Variants in GALNT7 observed in about 807,000 individuals in gnomAD.
GALNT7 encodes the protein polypeptide N-acetylgalactosaminyltransferase 7, also known as N-acetylgalactosaminyltransferase 7.
A neutral mutation model predicts 82.1 loss-of-function variants in GALNT7; 60 were observed. The observed-to-expected ratio is 0.73, with a 90% CI of 0.59 to 0.91. The LOEUF is 0.91. Ranked by LOEUF, GALNT7 falls within the 40% of genes least tolerant of loss-of-function variation. The pLI, the probability that GALNT7 is intolerant of heterozygous loss-of-function variation, is 0.00. For missense variants in GALNT7, 660 were observed against 804.2 expected, an observed-to-expected ratio of 0.82 and a Z score of 2.17; for synonymous variants, 243 against 275.1, an observed-to-expected ratio of 0.88 and a Z score of 1.15.
chr4:173,317,809 G>A, intron 10 of GALNT7, 77 bp downstream of exon 10: 1 of 892,980 alleles, frequency 1.1e-6, no homozygotes, highest in Non-Finnish European at 1.8e-6. Flanking sequence ...AGTGATCTTT[G>A]TACTTTGGTT....
intron 1 of GALNT7, among the ~76,000 whole-genome samples, chr4:173,180,081 T>A (rs34718403): frequency 0.15 from 23,516 of 152,144 alleles, 1,892 homozygotes; most frequent in Non-Finnish European, 0.18. Flanking sequence ...TGAGTAATGA[T>A]ATTTAGAAAT....
intron 2 of GALNT7, among the ~76,000 whole-genome samples, chr4:173,288,480 C>G (rs1192809978): frequency 6.6e-6 from 1 of 151,824 alleles, no homozygotes; most frequent in Non-Finnish European, 1.5e-5. Context: ...AGAAAAAAAT[C>G]CCATCCCACT....
intron 1 of GALNT7, among the ~76,000 whole-genome samples, chr4:173,191,029 A>C (rs951779247): frequency 6.6e-6 from 1 of 152,006 alleles, no homozygotes; most frequent in Non-Finnish European, 1.5e-5. Flanking sequence ...ATTGAGAGGT[A>C]GGTCTTACAA....
intron 1 of GALNT7, 122 bp downstream of exon 1, chr4:173,169,083 T>A: frequency 1.1e-6 from 1 of 904,352 alleles, no homozygotes; most frequent in Non-Finnish European, 1.6e-6. Context: ...GCTCCGCAGG[T>A]GGTGCTGGCG....
At chr4:173,313,144 A>G (rs1475626101) in intron 8 of GALNT7, among the ~76,000 whole-genome samples, 1 of 152,198 alleles carries the variant, frequency 6.6e-6, no homozygotes, top group Non-Finnish European at 1.5e-5. Flanking sequence ...AAATAGTTCT[A>G]TTATAGTTAT....
chr4:173,190,405 C>G (rs1270826500), intron 1 of GALNT7, among the ~76,000 whole-genome samples: 1 of 152,168 alleles, frequency 6.6e-6, no homozygotes, highest in African/African-American at 2.4e-5. Flanking sequence ...TGGGAGGAAT[C>G]GTAGTCTTTG....
chr4:173,173,952 A>G (rs144733742), intron 1 of GALNT7, among the ~76,000 whole-genome samples: 534 of 152,312 alleles, frequency 3.5e-3, no homozygotes, highest in African/African-American at 0.012. Context: ...TATCTCAGTG[A>G]TGATCAGTTG....
chr4:173,298,833 T>A (rs1045273514), intron 6 of GALNT7, among the ~76,000 whole-genome samples: 1 of 152,226 alleles, frequency 6.6e-6, no homozygotes, highest in African/African-American at 2.4e-5. Context: ...TGAATCACAA[T>A]ACATGACTTT....
At chr4:173,180,477 A>T (rs1198438082) in intron 1 of GALNT7, among the ~76,000 whole-genome samples, 3 of 152,006 alleles carry the variant, frequency 2.0e-5, no homozygotes, top group Non-Finnish European at 4.4e-5. Context: ...ACAGGCGCCC[A>T]CAACCATGCC....
chr4:173,292,244 A>C lies in GALNT7; in HGVS notation c.724A>C (p.Ile242Leu). ...KRTPRKYLAE[I>L]VLIDDFSNKE... is the part of the protein sequence containing the mutation. ...GACTCCAAGGAAATATTTAGCAGAA[A>C]TTGTGTTAATTGACGATTTCAGTAA... The change falls in exon 3 of 12, where the codon ATT becomes CTT. Residue 242 changes from isoleucine to leucine, a missense_variant. Transcript: ENST00000265000. This position sits in a 1 kb window ranked among gnomAD's most constrained non-coding sequence, Gnocchi z 4.8. The C allele has an allele frequency of 6.3e-7, 1 of 1,578,266 alleles. No individual in the cohort carries two copies. The highest frequency in any genetic ancestry group is 8.6e-7 in the Non-Finnish European group (1 of 1,162,048).
intron 1 of GALNT7, among the ~76,000 whole-genome samples, chr4:173,174,781 G>T (rs1731983931): frequency 6.6e-6 from 1 of 152,246 alleles, no homozygotes; most frequent in South Asian, 2.1e-4. Flanking sequence ...TGTTTCATCA[G>T]TAGTCAAACC....
At chr4:173,310,279 C>A (rs569677038) in intron 8 of GALNT7, among the ~76,000 whole-genome samples, 3 of 152,282 alleles carry the variant, frequency 2.0e-5, no homozygotes, top group South Asian at 2.1e-4. Flanking sequence ...TCTATTTGCC[C>A]GTGAATGAAA....
chr4:173,232,790 A>G (rs943176024), intron 1 of GALNT7, among the ~76,000 whole-genome samples: 3 of 152,072 alleles, frequency 2.0e-5, no homozygotes, highest in Non-Finnish European at 2.9e-5. Context: ...TGAAATGTAC[A>G]ATAAATTGTT....
In GALNT7 at chr4:173,321,568, T is replaced by C; in HGVS notation, c.1837-12T>C. 2 of 1,606,086 alleles carry C rather than the reference T, an allele frequency of 1.2e-6. No homozygotes were observed. The highest frequency in any genetic ancestry group is 1.7e-5 in the Admixed American group (1 of 59,166). On this transcript the variant is annotated splice_polypyrimidine_tract_variant and intron_variant, in intron 11 of 11. Transcript: ENST00000265000. ...TCCAAATTTGAAACTTTTTTCTTAC[T>C]GTGTTTTCCAGAACCTGCACAGATT... is the stretch of plus-strand genomic sequence containing the variant.
intron 1 of GALNT7, among the ~76,000 whole-genome samples, chr4:173,224,817 C>T (rs1733758703): frequency 1.3e-5 from 2 of 151,724 alleles, no homozygotes; most frequent in African/African-American, 2.4e-5. Flanking sequence ...TCCAGACCAT[C>T]CTGGCTAACA....
At chr4:173,297,893 C>T in intron 5 of GALNT7, 2 of 1,506,570 alleles carry the variant, frequency 1.3e-6, no homozygotes, top group Non-Finnish European at 1.8e-6. Context: ...GCCAGAGGGG[C>T]CTGGGACTGG....
intron 11 of GALNT7, 141 bp downstream of exon 11, chr4:173,318,700 T>A: frequency 1.7e-6 from 1 of 576,596 alleles, no homozygotes; most frequent in Non-Finnish European, 3.0e-6. Flanking sequence ...CTTGCATAGG[T>A]TTTCCTGAGC....
chr4:173,317,355 A>C, intron 9 of GALNT7: 2 of 250,798 alleles, frequency 8.0e-6, no homozygotes, highest in East Asian at 1.1e-4. Context: ...GTGATTCTGA[A>C]ATTGCAATTA....
intron 8 of GALNT7, 62 bp downstream of exon 8, chr4:173,304,180 T>A: frequency 7.0e-7 from 1 of 1,430,660 alleles, no homozygotes; most frequent in East Asian, 2.4e-5. Flanking sequence ...CATGCTATAG[T>A]AGTTACTTAA....
Sources: allele counts gnomAD v4.1 joint callset (sites outside exome capture counted in the v4.1 genomes callset), GRCh38; gene constraint gnomAD v4.1.1; non-coding constraint Gnocchi (gnomAD v3.1); transcripts MANE v1.5; gene names NCBI Gene and HGNC (gene_info 2026-07-23, HGNC 2026-07-21).